Variants in VTI1A observed in about 807,000 individuals in gnomAD.
VTI1A encodes vesicle transport through interaction with t-SNAREs 1A.
In VTI1A, 22 loss-of-function variants were observed where a neutral mutation model predicts 34.9. The observed-to-expected ratio is 0.63, with a 90% CI of 0.45 to 0.90. VTI1A has a LOEUF of 0.90. VTI1A is among the 40% of genes least tolerant of loss of function. VTI1A has a pLI of 0.00. For missense variants in VTI1A, 268 were observed against 275.6 expected (o/e 0.97, Z 0.20); for synonymous variants, 87 against 97.3 (o/e 0.89, Z 0.62).
intron 7 of VTI1A, among the ~76,000 whole-genome samples, chr10:112,691,341 G>A (rs1848609771): frequency 6.6e-6 from 1 of 152,032 alleles, no homozygotes; most frequent in Non-Finnish European, 1.5e-5. Flanking sequence ...GAGCATCCTT[G>A]GCCTACAACT....
chr10:112,580,913 C>T (rs560364636), intron 5 of VTI1A, among the ~76,000 whole-genome samples: 5 of 152,106 alleles, frequency 3.3e-5, no homozygotes, highest in Admixed American at 6.5e-5. Flanking sequence ...ATGTACATGT[C>T]TTCTTAGAGG....
chr10:112,737,811 G>A, intron 7 of VTI1A: 1 of 1,060,478 alleles, frequency 9.4e-7, no homozygotes, highest in Non-Finnish European at 1.1e-6. Context: ...TTCTGTTGCT[G>A]AGTCATTTTT....
At chr10:112,781,898 G>A (rs188033385) in intron 7 of VTI1A, among the ~76,000 whole-genome samples, 163 of 152,158 alleles carry the variant, frequency 1.1e-3, no homozygotes, top group African/African-American at 3.7e-3. Flanking sequence ...ACTGTGGTCC[G>A]AGGCTCTTCC....
At chr10:112,582,221 C>G (rs936844910) in intron 5 of VTI1A, among the ~76,000 whole-genome samples, 1 of 152,150 alleles carries the variant, frequency 6.6e-6, no homozygotes, top group African/African-American at 2.4e-5. Flanking sequence ...AGGACACTCT[C>G]TCCTGTCTCT....
intron 1 of VTI1A, among the ~76,000 whole-genome samples, chr10:112,458,079 A>G (rs1348196199): frequency 6.6e-6 from 1 of 152,160 alleles, no homozygotes. Context: ...CTTTCAAGAA[A>G]ATTGACTGGT....
intron 3 of VTI1A, among the ~76,000 whole-genome samples, chr10:112,512,672 T>C (rs950696968): frequency 1.3e-5 from 2 of 152,152 alleles, no homozygotes; most frequent in South Asian, 4.1e-4. Flanking sequence ...ATTTTCATAG[T>C]TTGGAGTCTT....
chr10:112,541,973 CTG>C (rs1322479064), intron 5 of VTI1A, among the ~76,000 whole-genome samples: 12 of 152,120 alleles, frequency 7.9e-5, no homozygotes, highest in Admixed American at 7.9e-4. Context: ...GTCCTAGAAT[CTG>C]TGAATAAAAA....
chr10:112,468,162 G>A (rs79496025), intron 3 of VTI1A, among the ~76,000 whole-genome samples: 9,709 of 152,150 alleles, frequency 0.064, 333 homozygotes, highest in Middle Eastern at 0.095. Context: ...TGTAGGCCGT[G>A]GTAAAGACCT....
At chr10:112,729,798 C>T (rs1293104444) in intron 7 of VTI1A, among the ~76,000 whole-genome samples, 1 of 152,170 alleles carries the variant, frequency 6.6e-6, no homozygotes, top group Non-Finnish European at 1.5e-5. Flanking sequence ...GCTGGACACC[C>T]TTGGTGTAAT....
At chr10:112,795,338 G>A (rs564738331) in intron 7 of VTI1A, among the ~76,000 whole-genome samples, 15 of 151,922 alleles carry the variant, frequency 9.9e-5, no homozygotes, top group South Asian at 4.2e-4. Context: ...AAAATAATTT[G>A]AGTGAAGGAC....
At chr10:112,685,954 C>T (rs776620945) in intron 7 of VTI1A, among the ~76,000 whole-genome samples, 53 of 152,208 alleles carry the variant, frequency 3.5e-4, no homozygotes, top group Admixed American at 2.2e-3. Context: ...AAAAAACACA[C>T]TATTTATGAA....
At chr10:112,505,694 G>A (rs1849406002) in intron 3 of VTI1A, among the ~76,000 whole-genome samples, 1 of 147,310 alleles carries the variant, frequency 6.8e-6, no homozygotes, top group African/African-American at 2.5e-5. Flanking sequence ...TTTTTTTTGA[G>A]ATGGGGTCTT....
At chr10:112,657,626 C>G (rs987695956) in intron 5 of VTI1A, among the ~76,000 whole-genome samples, 2 of 151,832 alleles carry the variant, frequency 1.3e-5, no homozygotes, top group Non-Finnish European at 2.9e-5. Flanking sequence ...GATCGAAGAC[C>G]CAAGTCTAAG....
intron 3 of VTI1A, among the ~76,000 whole-genome samples, chr10:112,525,151 G>C (rs914158419): frequency 2.0e-5 from 3 of 152,072 alleles, no homozygotes; most frequent in African/African-American, 4.8e-5. Flanking sequence ...GACTGAGTTG[G>C]GTCACTACTG....
At chr10:112,842,679 C>G in the VTI1A span, among the ~76,000 whole-genome samples, 1 of 152,210 alleles carries the variant, frequency 6.6e-6, no homozygotes, top group Non-Finnish European at 1.5e-5. Flanking sequence ...TCATTGCTTC[C>G]TTTTCTGCAC....
At chr10:112,832,119 G>C in the VTI1A span, 1 of 152,198 alleles carries the variant, frequency 6.6e-6, no homozygotes, top group African/African-American at 2.4e-5. Flanking sequence ...TAGGCTGTTT[G>C]ATGTGTTCTA....
At chr10:112,677,818 A>G (rs1323512721) in intron 7 of VTI1A, 1 of 152,200 alleles carries the variant, frequency 6.6e-6, no homozygotes, top group Non-Finnish European at 1.5e-5. Flanking sequence ...TCCCCAAAAG[A>G]ATGAGGAGTT....
chr10:112,527,004 A>C (rs1316147492), intron 3 of VTI1A, 83 bp from the exon 4 acceptor site: 2 of 1,394,072 alleles, frequency 1.4e-6, no homozygotes, highest in Non-Finnish European at 2.0e-6. Flanking sequence ...GAGGTTTGAG[A>C]TCAGCCTTGA....
At chr10:112,602,969 A>G (rs1324161792) in intron 5 of VTI1A, among the ~76,000 whole-genome samples, 1 of 152,204 alleles carries the variant, frequency 6.6e-6, no homozygotes, top group Non-Finnish European at 1.5e-5. Context: ...AACCCAGTGC[A>G]TGATTGAAAC....
Sources: allele counts gnomAD v4.1 joint callset (sites outside exome capture counted in the v4.1 genomes callset), GRCh38; gene constraint gnomAD v4.1.1; transcripts MANE v1.5; gene names NCBI Gene and HGNC (gene_info 2026-07-23, HGNC 2026-07-21).